RGS3: variants seen among roughly 807,000 people sequenced by gnomAD.
The protein encoded by RGS3 is regulator of G-protein signalling 3.
In RGS3, 80 loss-of-function variants were observed where a neutral mutation model predicts 132.6. The observed-to-expected ratio is 0.60, with a 90% CI of 0.50 to 0.73. The LOEUF (loss-of-function observed/expected upper bound fraction) is 0.73, where lower values mean the gene tolerates loss of function less well. Ranked by LOEUF, RGS3 falls within the 30% of genes least tolerant of loss-of-function variation. The probability of loss-of-function intolerance (pLI) is 0.00; values close to 1 mark genes in which losing one functional copy is unlikely to be tolerated. For synonymous variants in RGS3, 598 were observed against 620.6 expected, an observed-to-expected ratio of 0.96 and a Z score of 0.54; for missense variants, 1,382 against 1,530.8, an observed-to-expected ratio of 0.90 and a Z score of 1.62.
At chr9:113,519,210 G>C (rs903385070) in intron 16 of RGS3, among the ~76,000 whole-genome samples, 2 of 152,020 alleles carry the variant, frequency 1.3e-5, no homozygotes, top group Non-Finnish European at 2.9e-5. Context: ...GAATGGAGCC[G>C]GGTCATTTCT....
upstream of RGS3, among the ~76,000 whole-genome samples, chr9:113,458,561 A>G (rs1187216947): frequency 1.3e-5 from 2 of 152,212 alleles, no homozygotes; most frequent in East Asian, 3.8e-4. Context: ...GCTGTGGGGT[A>G]TAGATGTATT....
intron 19 of RGS3, among the ~76,000 whole-genome samples, chr9:113,576,907 C>T (rs1182024677): frequency 3.3e-5 from 5 of 152,170 alleles, no homozygotes; most frequent in Non-Finnish European, 7.3e-5. Flanking sequence ...TGACAGTGGT[C>T]TAGAGGGAAG....
chr9:113,485,701 G>A lies in RGS3; in HGVS notation c.689+8G>A, dbSNP rs771511133. On this transcript the variant is annotated splice_region_variant and intron_variant, in intron 7 of 24. Transcript: ENST00000350696. ...CAGGGCCAGCCAGTCCAGGTGAGGA[G>A]AGCTGCTGAGCTGGAGGGGGACTCT... is the stretch of plus-strand genomic sequence containing the variant. 3.2e-6 allele frequency: 5 copies of A among 1,577,218 alleles called. No homozygotes were observed. The Admixed American group carries it at 9.3e-5, about 29-fold the overall frequency.
chr9:113,566,771 G>A (rs564469736), intron 19 of RGS3, among the ~76,000 whole-genome samples: 47 of 152,324 alleles, frequency 3.1e-4, no homozygotes, highest in Admixed American at 1.0e-3. Flanking sequence ...GCTATCTGGC[G>A]TCCTCTCCCA....
intron 3 of RGS3, among the ~76,000 whole-genome samples, chr9:113,464,145 G>A (rs1269219020): frequency 6.6e-6 from 1 of 152,244 alleles, no homozygotes; most frequent in East Asian, 1.9e-4. Context: ...GAATAATCAC[G>A]CTCTGGTTAA....
Position 113,507,447 on chromosome 9 carries a change from G to A in RGS3, c.1246G>A (p.Ala416Thr). ...GAAGAACTGCACCCATGGGGTCCAG[G>A]CACGGCCTGAGCAGCGCCACAGCTG... Residue 416 changes from alanine to threonine, a missense_variant, in exon 13 of 25, where the codon GCA becomes ACA. Physicochemically the swap from Ala to Thr is moderately conservative, Grantham distance 58. Coordinates refer to ENST00000350696, the Ensembl canonical transcript of RGS3. The surrounding 1 kb of genome is among the most constrained non-coding windows in gnomAD (Gnocchi z 5.0). 1 of 1,613,878 alleles carries A rather than the reference G, an allele frequency of 6.2e-7. No individual in the cohort carries two copies. The highest frequency in any genetic ancestry group is 8.5e-7 in the Non-Finnish European group (1 of 1,180,038).
intron 22 of RGS3, 134 bp downstream of exon 20, chr9:113,594,665 G>A: frequency 3.8e-6 from 3 of 783,386 alleles, no homozygotes; most frequent in Non-Finnish European, 6.2e-6. Flanking sequence ...CTTTCACAGA[G>A]GGAGCTGGGT....
At chr9:113,464,027 C>A in intron 3 of RGS3, 146 bp downstream of exon 1, 1 of 839,978 alleles carries the variant, frequency 1.2e-6, no homozygotes, top group Non-Finnish European at 1.8e-6. Flanking sequence ...TCTCCTGTGA[C>A]TGCCCAGGAG....
chr9:113,519,735 A>G (rs187341584), intron 16 of RGS3, among the ~76,000 whole-genome samples: 49 of 152,068 alleles, frequency 3.2e-4, no homozygotes, highest in Non-Finnish European at 5.4e-4. Context: ...TACACTCAAC[A>G]GAAATCTTTA....
chr9:113,526,610 G>A (rs1470588073), intron 17 of RGS3, among the ~76,000 whole-genome samples: 8 of 152,142 alleles, frequency 5.3e-5, no homozygotes, highest in African/African-American at 9.7e-5. Context: ...CTCAGACAGC[G>A]AAGGGGGTTT....
intron 8 of RGS3, 38 bp from the exon 7 acceptor site, chr9:113,497,276 T>G: frequency 6.5e-7 from 1 of 1,541,816 alleles, no homozygotes; most frequent in Non-Finnish European, 9.0e-7. Context: ...TGCTTCTGCC[T>G]CCTGTGTCTG....
intron 19 of RGS3, among the ~76,000 whole-genome samples, chr9:113,550,676 C>T (rs1411093467): frequency 6.6e-6 from 1 of 152,180 alleles, no homozygotes; most frequent in East Asian, 1.9e-4. Context: ...TCATTACCAA[C>T]ATGGTATATT....
At chr9:113,543,499 T>C (rs1233266095) in intron 19 of RGS3, among the ~76,000 whole-genome samples, 1 of 152,152 alleles carries the variant, frequency 6.6e-6, no homozygotes, top group South Asian at 2.1e-4. Flanking sequence ...ACAGCATCTC[T>C]GTCTGCCAGG....
intron 19 of RGS3, among the ~76,000 whole-genome samples, chr9:113,552,385 C>T (rs527610832): frequency 9.9e-5 from 15 of 152,198 alleles, no homozygotes; most frequent in South Asian, 4.1e-4. Flanking sequence ...GGAGTGATCT[C>T]GGCTCATTGC....
intron 19 of RGS3, among the ~76,000 whole-genome samples, chr9:113,570,858 A>G (rs1358571458): frequency 6.6e-6 from 1 of 151,796 alleles, no homozygotes; most frequent in Non-Finnish European, 1.5e-5. Context: ...CTGGTCTCGA[A>G]CTCCTGACCT....
intron 7 of RGS3, among the ~76,000 whole-genome samples, 195 bp downstream of exon 5, chr9:113,485,888 G>A (rs1815535982): frequency 6.6e-6 from 1 of 152,202 alleles, no homozygotes; most frequent in Non-Finnish European, 1.5e-5. Context: ...TTATCAATGA[G>A]CATTTGCTGA....
At chr9:113,511,068 T>C (rs778187821) in intron 14 of RGS3, among the ~76,000 whole-genome samples, 21 of 152,288 alleles carry the variant, frequency 1.4e-4, no homozygotes, top group Non-Finnish European at 2.9e-4. Flanking sequence ...TAAGCCATCC[T>C]GAGTTGAATA....
At chr9:113,514,581 A>G in exon 15 of RGS3, 1 of 1,614,122 alleles carries the variant, frequency 6.2e-7, no homozygotes, top group Non-Finnish European at 8.5e-7. Context: ...GTGAGGCCGC[A>G]TGCCACGCAC....
intron 7 of RGS3, among the ~76,000 whole-genome samples, chr9:113,489,750 C>T (rs960452861): frequency 6.6e-6 from 1 of 151,564 alleles, no homozygotes; most frequent in African/African-American, 2.4e-5. Flanking sequence ...GGCTGGTCTC[C>T]AACTCCTGGC....
Sources: gnomAD v4.1 joint callset for allele counts (sites outside exome capture counted in the v4.1 genomes callset) on GRCh38, gnomAD v4.1.1 for gene constraint, Gnocchi (gnomAD v3.1) non-coding constraint, MANE v1.5 for transcripts, NCBI Gene and HGNC (gene_info 2026-07-23, HGNC 2026-07-21) for gene names.